Variants in CA4 observed in about 807,000 individuals in gnomAD.
The protein encoded by CA4 is CA-IV.
Under a neutral mutation model 34.5 loss-of-function variants are expected in CA4, and 24 were observed. That is an observed-to-expected ratio of 0.70 (90% CI 0.50 to 0.98). CA4 has a LOEUF of 0.98. Among genes scored for constraint, CA4 ranks in the 50% least tolerant of loss-of-function variants. The pLI, the probability that CA4 is intolerant of heterozygous loss-of-function variation, is 0.00. For missense variants in CA4, 394 were observed against 396.7 expected (o/e 0.99, Z 0.06); for synonymous variants, 178 against 170.6 (o/e 1.04, Z -0.34).
chr17:60,155,614 ACACT>A (rs1170282131), intron 2 of CA4, among the ~76,000 whole-genome samples: 7 of 151,364 alleles, frequency 4.6e-5, no homozygotes, highest in South Asian at 2.1e-4. Context: ...ACACAAGCAC[ACACT>A]CAAACACTCA....
intron 5 of CA4, among the ~76,000 whole-genome samples, chr17:60,165,517 C>A (rs1327534406): frequency 6.6e-6 from 1 of 152,218 alleles, no homozygotes; most frequent in Non-Finnish European, 1.5e-5. Flanking sequence ...TCGGCCAGGG[C>A]TCCTCCTGCT....
chr17:60,162,772 T>A (rs2145293460), downstream of CA4, among the ~76,000 whole-genome samples: 1 of 152,106 alleles, frequency 6.6e-6, no homozygotes, highest in Admixed American at 6.5e-5. Flanking sequence ...GGTGGTGTTA[T>A]CCCTCCCACA....
At chr17:60,164,161 CCTCCCTCCCT>C (rs1422624920), downstream of CA4, among the ~76,000 whole-genome samples, 15 of 144,900 alleles carry the variant, frequency 1.0e-4, no homozygotes, top group African/African-American at 3.8e-4. Context: ...TCCCTCCCTC[CCTCCCTCCCT>C]CTCTCTCTCT....
chr17:60,162,950 G>A (rs535718994), downstream of CA4, among the ~76,000 whole-genome samples: 338 of 152,302 alleles, frequency 2.2e-3, 2 homozygotes, highest in African/African-American at 7.6e-3. Flanking sequence ...ACCCATCTCC[G>A]CTGGTTGCTC....
At chr17:60,168,435 G>A (rs558379309) in intron 5 of CA4, among the ~76,000 whole-genome samples, 864 of 53,692 alleles carry the variant, frequency 0.016, 27 homozygotes, top group Non-Finnish European at 0.022. Flanking sequence ...TTTTTTGTGG[G>A]GGGCAGGTGG....
chr17:60,153,102 C>A (rs562539777), intron 1 of CA4, among the ~76,000 whole-genome samples: 60 of 152,274 alleles, frequency 3.9e-4, no homozygotes, highest in South Asian at 8.3e-4. Flanking sequence ...CTTTGGGAGG[C>A]CGAGGCGGGT....
chr17:60,167,314 C>T (rs1214008447), intron 5 of CA4, among the ~76,000 whole-genome samples: 3 of 152,188 alleles, frequency 2.0e-5, no homozygotes, highest in Admixed American at 2.0e-4. Context: ...GCGCTCTCCC[C>T]CACCACTCCC....
chr17:60,175,603 A>T (rs2083954577), downstream of CA4, among the ~76,000 whole-genome samples: 1 of 129,082 alleles, frequency 7.7e-6, no homozygotes, highest in African/African-American at 2.9e-5. Flanking sequence ...TAGGAGTTGG[A>T]GTTTGCAGTG....
chr17:60,157,913 T>C, intron 5 of CA4, 125 bp downstream of exon 5: 3 of 1,532,672 alleles, frequency 2.0e-6, no homozygotes, highest in Non-Finnish European at 2.7e-6. Context: ...CCTCTGTTTC[T>C]GGGGTTGCAT....
At chr17:60,163,995 G>A (rs1199035608), downstream of CA4, among the ~76,000 whole-genome samples, 1 of 151,974 alleles carries the variant, frequency 6.6e-6, no homozygotes, top group Non-Finnish European at 1.5e-5. Flanking sequence ...GCCAGACGTG[G>A]TGGCACGCCT....
downstream of CA4, among the ~76,000 whole-genome samples, chr17:60,174,817 T>A (rs963938945): frequency 6.6e-6 from 1 of 152,174 alleles, no homozygotes; most frequent in African/African-American, 2.4e-5. Context: ...GCCTCCAAAC[T>A]AGCTGGGAAA....
At chr17:60,178,210 T>C in the CA4 span, among the ~76,000 whole-genome samples, 1 of 152,244 alleles carries the variant, frequency 6.6e-6, no homozygotes, top group Non-Finnish European at 1.5e-5. Flanking sequence ...GTGTTTTGTT[T>C]GTAATTTATA....
intron 5 of CA4, among the ~76,000 whole-genome samples, chr17:60,168,337 A>G (rs1363114063): frequency 3.0e-5 from 1 of 33,496 alleles, no homozygotes; most frequent in Non-Finnish European, 5.1e-5. Flanking sequence ...GGGGGAGGTG[A>G]AGAAGGGTGA....
chr17:60,155,541 A>T lies in CA4; in HGVS notation c.112+174A>T, dbSNP rs199706980. 6.1e-3 allele frequency among the ~76,000 whole-genome samples: 782 copies of T among 127,954 alleles called. 2 individuals are homozygous for T. Among genetic ancestry groups the T allele is most frequent in the African/African-American group, 9.1e-3 (306 of 33,786 alleles). The allele number at this position is 127,954 out of a possible 152,430, so 83.9% of individuals were successfully genotyped here. On this transcript the variant is annotated intron_variant, in intron 2 of 7. Transcript: ENST00000300900. ...CACACACACTCTCTCTCTCTCTCTC[A>T]CACACACACACACACAGATATACAA...
At chr17:60,152,162 C>T (rs1003814047) in intron 1 of CA4, among the ~76,000 whole-genome samples, 2 of 152,060 alleles carry the variant, frequency 1.3e-5, no homozygotes, top group Admixed American at 6.6e-5. Flanking sequence ...TAGGATGTGG[C>T]GCTGGACACC....
At chr17:60,157,288 C>T (rs2145272584) in intron 3 of CA4, 139 bp from the exon 4 acceptor site, 1 of 956,268 alleles carries the variant, frequency 1.0e-6, no homozygotes, top group South Asian at 1.4e-5. Context: ...CCACCCCGCG[C>T]CACCCCTGCA....
downstream of CA4, among the ~76,000 whole-genome samples, chr17:60,161,283 C>T (rs1054232896): frequency 1.2e-4 from 19 of 152,034 alleles, no homozygotes; most frequent in Admixed American, 3.3e-4. Flanking sequence ...GGGACCCACG[C>T]GGTCCCCAAG....
At chr17:60,155,703 C>A (rs1373642648) in intron 2 of CA4, among the ~76,000 whole-genome samples, 1 of 152,090 alleles carries the variant, frequency 6.6e-6, no homozygotes, top group Non-Finnish European at 1.5e-5. Flanking sequence ...CACACTCACA[C>A]TCTCCTGTCC....
At chr17:60,154,391 A>G (rs1275737081) in intron 1 of CA4, among the ~76,000 whole-genome samples, 1 of 152,110 alleles carries the variant, frequency 6.6e-6, no homozygotes, top group Non-Finnish European at 1.5e-5. Context: ...AGGCTCAGAG[A>G]GCTTAAGGGA....
Sources: allele counts gnomAD v4.1 joint callset (sites outside exome capture counted in the v4.1 genomes callset), GRCh38; gene constraint gnomAD v4.1.1; transcripts MANE v1.5; gene names NCBI Gene and HGNC (gene_info 2026-07-23, HGNC 2026-07-21).